Variants in HDAC9 observed in about 807,000 individuals in gnomAD.
HDAC9 encodes histone deacetylase 9.
A neutral mutation model predicts 139.4 loss-of-function variants in HDAC9; 41 were observed. That is an observed-to-expected ratio of 0.29 (90% CI 0.23 to 0.38). The LOEUF is 0.38. Among genes scored for constraint, HDAC9 ranks in the 10% least tolerant of loss-of-function variants. HDAC9 has a pLI of 1.00. For synonymous variants in HDAC9, 517 were observed against 476.2 expected (o/e 1.09, Z -1.12); for missense variants, 1,147 against 1,297.0 (o/e 0.88, Z 1.78).
chr7:18,577,368 C>T (rs1266624238), intron 2 of HDAC9, among the ~76,000 whole-genome samples: 1 of 152,194 alleles, frequency 6.6e-6, no homozygotes, highest in Admixed American at 6.5e-5. Context: ...TCTGAGTTCA[C>T]GTCTCTGTGT....
intron 1 of HDAC9, among the ~76,000 whole-genome samples, chr7:18,114,224 A>G (rs1783816726): frequency 6.6e-6 from 1 of 152,226 alleles, no homozygotes; most frequent in South Asian, 2.1e-4. Flanking sequence ...AGCACTAGCC[A>G]TGTGTGTGTC....
chr7:18,352,965 C>T (rs1191658242), intron 1 of HDAC9, among the ~76,000 whole-genome samples: 1 of 152,052 alleles, frequency 6.6e-6, no homozygotes, highest in Non-Finnish European at 1.5e-5. Context: ...AACAAATCAG[C>T]AAAATATTTT....
chr7:18,183,721 G>C (rs896427638), intron 2 of HDAC9, among the ~76,000 whole-genome samples: 1 of 152,152 alleles, frequency 6.6e-6, no homozygotes. Context: ...TTGGCCTCAA[G>C]AGATCCTCCT....
At position 18,254,058 on chromosome 7, in the gene HDAC9, T is replaced by A. The variant is rs1351339753; in HGVS notation, c.25+91709T>A. On this transcript the variant is annotated intron_variant, in intron 2 of 12. Coordinates refer to the HDAC9 transcript ENST00000417496. ...AAACATCATGCATTGATGTAAAATT[T>A]TCTGGACTTTCAATATACATCAAAA... Among the ~76,000 whole-genome samples the A allele has an allele frequency of 2.6e-5, 4 of 152,238 alleles. No individual in the cohort carries two copies. In the South Asian group the frequency reaches 8.3e-4, roughly 31 times the overall value.
chr7:18,660,585 C>T (rs2129059348), intron 11 of HDAC9, among the ~76,000 whole-genome samples: 1 of 152,112 alleles, frequency 6.6e-6, no homozygotes, highest in South Asian at 2.1e-4. Flanking sequence ...ATATTATAGT[C>T]TGGGAGATAA....
chr7:18,557,569 CTAG>C (rs888795339), intron 2 of HDAC9, among the ~76,000 whole-genome samples: 3 of 150,398 alleles, frequency 2.0e-5, no homozygotes, highest in Non-Finnish European at 3.0e-5. Flanking sequence ...GGGATTTCTA[CTAG>C]TAGTAGTAGT....
chr7:18,243,811 C>T (rs915290547), intron 2 of HDAC9, among the ~76,000 whole-genome samples: 1 of 152,066 alleles, frequency 6.6e-6, no homozygotes, highest in Non-Finnish European at 1.5e-5. Context: ...GTTAAGCTTC[C>T]GTGAAAATGG....
intron 12 of HDAC9, among the ~76,000 whole-genome samples, chr7:18,711,598 C>A (rs1784349176): frequency 6.6e-6 from 1 of 152,176 alleles, no homozygotes; most frequent in African/African-American, 2.4e-5. Context: ...CTGCCACACC[C>A]ACCACCCCTG....
intron 12 of HDAC9, chr7:18,667,893 G>A: frequency 5.1e-6 from 5 of 983,556 alleles, no homozygotes; most frequent in Non-Finnish European, 6.0e-6. Context: ...GCTAGTTAAA[G>A]GTTCGTTGTA....
chr7:18,548,913 A>C (rs1563235012), intron 2 of HDAC9, among the ~76,000 whole-genome samples: 1 of 152,232 alleles, frequency 6.6e-6, no homozygotes. Flanking sequence ...TGATACTGCT[A>C]TTCTGGAAAA....
At chr7:18,876,484 T>G (rs1052133128) in intron 22 of HDAC9, among the ~76,000 whole-genome samples, 8 of 152,202 alleles carry the variant, frequency 5.3e-5, no homozygotes, top group African/African-American at 1.9e-4. Context: ...AGGAAAAATA[T>G]ATACAATGAG....
At chr7:18,685,287 C>A (rs576165759) in intron 12 of HDAC9, among the ~76,000 whole-genome samples, 1 of 152,144 alleles carries the variant, frequency 6.6e-6, no homozygotes, top group South Asian at 2.1e-4. Context: ...ACTCCCTTTT[C>A]CACTTACCCA....
intron 2 of HDAC9, among the ~76,000 whole-genome samples, chr7:18,240,466 G>A (rs1254174331): frequency 6.6e-6 from 1 of 152,032 alleles, no homozygotes; most frequent in Non-Finnish European, 1.5e-5. Context: ...CTTTAATGTT[G>A]AAATATGAAG....
intron 17 of HDAC9, among the ~76,000 whole-genome samples, chr7:18,816,824 A>G (rs1231566999): frequency 6.6e-6 from 1 of 152,232 alleles, no homozygotes; most frequent in Non-Finnish European, 1.5e-5. Flanking sequence ...TTCTTTAGAT[A>G]AAACAAAATG....
chr7:18,416,815 T>A (rs1178175937), intron 1 of HDAC9, among the ~76,000 whole-genome samples: 2 of 152,226 alleles, frequency 1.3e-5, no homozygotes, highest in Non-Finnish European at 2.9e-5. Context: ...CTATACTGTT[T>A]CCTAAGAAAT....
chr7:18,992,435 A>G (rs1415547398), intron 25 of HDAC9, among the ~76,000 whole-genome samples: 2 of 152,250 alleles, frequency 1.3e-5, no homozygotes, highest in Admixed American at 1.3e-4. Flanking sequence ...ATAAAAATAT[A>G]TACCCACAAA....
chr7:18,388,895 A>C (rs959879070), intron 1 of HDAC9, among the ~76,000 whole-genome samples: 6 of 152,190 alleles, frequency 3.9e-5, no homozygotes, highest in Non-Finnish European at 8.8e-5. Flanking sequence ...CAAAGTATCA[A>C]ATTTCTTGAC....
intron 1 of HDAC9, among the ~76,000 whole-genome samples, chr7:18,343,233 A>C (rs1463121133): frequency 6.6e-6 from 1 of 151,752 alleles, no homozygotes; most frequent in African/African-American, 2.4e-5. Context: ...GGCATGTGTC[A>C]CTAAAACTAC....
intron 12 of HDAC9, among the ~76,000 whole-genome samples, chr7:18,694,777 G>A (rs1056305548): frequency 6.6e-6 from 1 of 152,084 alleles, no homozygotes; most frequent in African/African-American, 2.4e-5. Context: ...TCAAGATAAT[G>A]AAAACTACAT....
Sources: gnomAD v4.1 joint callset for allele counts (sites outside exome capture counted in the v4.1 genomes callset) on GRCh38, gnomAD v4.1.1 for gene constraint, MANE v1.5 for transcripts, NCBI Gene and HGNC (gene_info 2026-07-23, HGNC 2026-07-21) for gene names.